GNA14: variants seen among roughly 807,000 people sequenced by gnomAD.
The protein encoded by GNA14 is G protein subunit alpha 14.
Under a neutral mutation model 42.0 loss-of-function variants are expected in GNA14, and 50 were observed. The observed-to-expected ratio is 1.19, with a 90% confidence interval of 0.95 to 1.51. The LOEUF (loss-of-function observed/expected upper bound fraction) is 1.51, where lower values mean the gene tolerates loss of function less well. Among genes scored for constraint, GNA14 ranks in the 40% most tolerant of loss-of-function variants. The probability of loss-of-function intolerance (pLI) is 0.00; values close to 1 mark genes in which losing one functional copy is unlikely to be tolerated. For synonymous variants in GNA14, 173 were observed against 163.1 expected (o/e 1.06, Z -0.46); for missense variants, 473 against 446.2 (o/e 1.06, Z -0.54).
At chr9:77,527,845 G>A (rs1393053876) in intron 2 of GNA14, among the ~76,000 whole-genome samples, 1 of 152,172 alleles carries the variant, frequency 6.6e-6, no homozygotes, top group African/African-American at 2.4e-5. Context: ...ATGTTGGCCA[G>A]GCTGGTCTCG....
chr9:77,459,106 C>T (rs1169568901), intron 2 of GNA14, among the ~76,000 whole-genome samples: 2 of 152,070 alleles, frequency 1.3e-5, no homozygotes, highest in East Asian at 1.9e-4. Flanking sequence ...TGTGGTGGCA[C>T]GCGCCTGTAA....
intron 1 of GNA14, among the ~76,000 whole-genome samples, chr9:77,601,637 G>A (rs970174264): frequency 2.0e-5 from 3 of 152,214 alleles, no homozygotes; most frequent in African/African-American, 7.2e-5. Flanking sequence ...TTTAGGAAGA[G>A]CAGTAAAATA....
chr9:77,615,241 A>G (rs1823791808), intron 1 of GNA14, among the ~76,000 whole-genome samples: 1 of 152,118 alleles, frequency 6.6e-6, no homozygotes, highest in Non-Finnish European at 1.5e-5. Context: ...TTTCTCAGAG[A>G]AGAGACTCTC....
intron 1 of GNA14, among the ~76,000 whole-genome samples, chr9:77,581,002 GCACACA>G (rs3052394): frequency 0.052 from 7,435 of 144,234 alleles, 246 homozygotes; most frequent in African/African-American, 0.088. Context: ...TACAATAAAG[GCACACA>G]CACACACACA....
At chr9:77,573,177 G>A (rs551259819) in intron 1 of GNA14, among the ~76,000 whole-genome samples, 17 of 152,232 alleles carry the variant, frequency 1.1e-4, no homozygotes, top group Middle Eastern at 3.4e-3. Flanking sequence ...GGCAGGGTGC[G>A]GTGGCTCACG....
intron 2 of GNA14, among the ~76,000 whole-genome samples, chr9:77,516,099 G>A (rs1025734626): frequency 6.6e-6 from 1 of 151,836 alleles, no homozygotes. Context: ...AGACTTAGAG[G>A]TCTCCAGGAA....
chr9:77,647,607 G>A (rs927418796), intron 1 of GNA14, 63 bp downstream of exon 1: 5 of 1,545,496 alleles, frequency 3.2e-6, no homozygotes, highest in East Asian at 2.4e-5. Context: ...TGCCAGTGGA[G>A]AGGCCGGGAG....
chr9:77,589,475 T>C (rs1341381214), intron 1 of GNA14, among the ~76,000 whole-genome samples: 2 of 152,186 alleles, frequency 1.3e-5, no homozygotes, highest in East Asian at 3.8e-4. Context: ...GTTTAATATA[T>C]CACCTTAGGG....
chr9:77,470,069 TTC>T (rs1836303635), intron 2 of GNA14, among the ~76,000 whole-genome samples: 1 of 152,176 alleles, frequency 6.6e-6, no homozygotes, highest in Non-Finnish European at 1.5e-5. Flanking sequence ...GATGAAATAC[TTC>T]TGTTTTGGAC....
intron 2 of GNA14, among the ~76,000 whole-genome samples, chr9:77,440,569 A>G (rs1210011392): frequency 6.6e-6 from 1 of 152,210 alleles, no homozygotes; most frequent in Non-Finnish European, 1.5e-5. Context: ...ACAAAATTGT[A>G]TATATTTATG....
chr9:77,644,437 C>CAAAAAAAAAAAGAAAAAAAAAAAAAAA (rs1824320702), intron 1 of GNA14, among the ~76,000 whole-genome samples: 1 of 34,012 alleles, frequency 2.9e-5, no homozygotes, highest in Non-Finnish European at 5.2e-5. Flanking sequence ...TAAAGAGTGT[C>CAAAAAAAAAAAGAAAAAAAAAAAAAAA]AAAAAAAAAA....
At chr9:77,532,071 G>A (rs540325210) in intron 1 of GNA14, among the ~76,000 whole-genome samples, 84 of 152,148 alleles carry the variant, frequency 5.5e-4, no homozygotes, top group Non-Finnish European at 9.6e-4. Flanking sequence ...GACTCACCTT[G>A]CGGAGATCCT....
intron 1 of GNA14, among the ~76,000 whole-genome samples, chr9:77,613,823 G>C (rs1823769962): frequency 6.6e-6 from 1 of 152,146 alleles, no homozygotes; most frequent in Non-Finnish European, 1.5e-5. Flanking sequence ...CCACTAAGTG[G>C]CTCCCACTAC....
In GNA14 at chr9:77,515,105, G is replaced by T. The variant is rs903941375; in HGVS notation, c.309+13964C>A. 1.3e-4 allele frequency among the ~76,000 whole-genome samples: 20 copies of T among 151,750 alleles called. 1 individual carries two copies. The stretch of plus-strand genomic sequence containing the variant: ...AGACACGTTCAAGAAAGGCCAGAAT[G>T]TGGCCTTAAGGTCAACTGCATGGGC... On this transcript the variant is annotated intron_variant, in intron 2 of 6. Coordinates refer to ENST00000341700, the MANE Select transcript of GNA14 (RefSeq NM_004297.4).
intron 2 of GNA14, among the ~76,000 whole-genome samples, chr9:77,493,475 C>A (rs1414560040): frequency 2.0e-5 from 3 of 152,018 alleles, no homozygotes; most frequent in Non-Finnish European, 4.4e-5. Flanking sequence ...AATGTTATAA[C>A]GTTAATAGTG....
intron 1 of GNA14, among the ~76,000 whole-genome samples, chr9:77,534,457 CTAA>C (rs1471289245): frequency 6.6e-6 from 1 of 152,202 alleles, no homozygotes; most frequent in East Asian, 1.9e-4. Context: ...GCCAATTGTT[CTAA>C]TGTTTACATA....
In GNA14 at chr9:77,423,967, G is replaced by A; in HGVS notation, c.*12C>T. On this transcript the variant is annotated 3_prime_UTR_variant, in exon 7 of 7. Coordinates refer to ENST00000341700, the MANE Select transcript of GNA14 (RefSeq NM_004297.4). ...ACATCTTCTGTTATAGGGGAGGAGT[G>A]GGCAGCAGCTTTTAGACAAGGTTGA... The A allele has an allele frequency of 6.4e-7, 1 of 1,561,862 alleles. No individual in the cohort carries two copies. Among genetic ancestry groups the A allele is most frequent in the East Asian group, 2.3e-5 (1 of 43,476 alleles).
intron 1 of GNA14, among the ~76,000 whole-genome samples, chr9:77,626,223 G>A (rs988610774): frequency 1.3e-5 from 2 of 152,156 alleles, no homozygotes; most frequent in African/African-American, 4.8e-5. Flanking sequence ...CAATAGAGGA[G>A]CACCCAGATT....
At chr9:77,514,676 C>T (rs986246009) in intron 2 of GNA14, among the ~76,000 whole-genome samples, 21 of 147,204 alleles carry the variant, frequency 1.4e-4, no homozygotes, top group Non-Finnish European at 2.4e-4. Context: ...TGCAGTGGTG[C>T]GATCTCGGCT....
Sources: allele counts gnomAD v4.1 joint callset (sites outside exome capture counted in the v4.1 genomes callset), GRCh38; gene constraint gnomAD v4.1.1; transcripts MANE v1.5; gene names NCBI Gene and HGNC (gene_info 2026-07-23, HGNC 2026-07-21).